The following UNC5C variants were observed in gnomAD, a reference collection of about 807,000 sequenced individuals.
UNC5C encodes the protein netrin receptor UNC5C.
UNC5C carries 47 observed loss-of-function variants against 99.8 expected under a neutral mutation model. That is an observed-to-expected ratio of 0.47 (90% confidence interval 0.37 to 0.60). The LOEUF (loss-of-function observed/expected upper bound fraction) is 0.60. Ranked by LOEUF, UNC5C falls within the 20% of genes least tolerant of loss-of-function variation. The pLI is 0.00. For missense variants in UNC5C, 1,062 were observed against 1,165.9 expected (o/e 0.91, Z 1.30); for synonymous variants, 487 against 452.2 (o/e 1.08, Z -0.98).
intron 2 of UNC5C, among the ~76,000 whole-genome samples, chr4:95,311,629 C>G (rs760904577): frequency 6.6e-6 from 1 of 152,182 alleles, no homozygotes; most frequent in Non-Finnish European, 1.5e-5. Context: ...TAACTATACA[C>G]TTGTGAATTA....
At chr4:95,382,759 C>T (rs895064055) in intron 1 of UNC5C, among the ~76,000 whole-genome samples, 2 of 152,150 alleles carry the variant, frequency 1.3e-5, no homozygotes, top group Non-Finnish European at 2.9e-5. Context: ...AATTGATTCT[C>T]CTACTTAGCC....
At chr4:95,265,530 G>A (rs973521715) in intron 4 of UNC5C, among the ~76,000 whole-genome samples, 2 of 152,054 alleles carry the variant, frequency 1.3e-5, no homozygotes, top group African/African-American at 2.4e-5. Flanking sequence ...ACAACACAAT[G>A]AAATGTGCTT....
intron 4 of UNC5C, among the ~76,000 whole-genome samples, chr4:95,270,172 T>C (rs1235038379): frequency 6.6e-6 from 1 of 152,220 alleles, no homozygotes; most frequent in Non-Finnish European, 1.5e-5. Context: ...TGTAGGTGCT[T>C]TAAACAATCA....
At chr4:95,284,029 T>C (rs1741149432) in intron 3 of UNC5C, among the ~76,000 whole-genome samples, 1 of 152,198 alleles carries the variant, frequency 6.6e-6, no homozygotes, top group Admixed American at 6.5e-5. Flanking sequence ...ATTTCTATTT[T>C]CCATTTATAC....
At chr4:95,444,562 A>G (rs189524369) in intron 1 of UNC5C, among the ~76,000 whole-genome samples, 2,252 of 151,952 alleles carry the variant, frequency 0.015, 53 homozygotes, top group African/African-American at 0.052. Flanking sequence ...CGATCTCCTG[A>G]CCTCGTGATC....
chr4:95,418,393 G>A (rs961244961), intron 1 of UNC5C, among the ~76,000 whole-genome samples: 2 of 152,152 alleles, frequency 1.3e-5, no homozygotes, highest in African/African-American at 4.8e-5. Flanking sequence ...TGTAAACCAG[G>A]AGAAGTGTTA....
At chr4:95,515,348 C>T (rs1191715107) in intron 1 of UNC5C, among the ~76,000 whole-genome samples, 1 of 152,064 alleles carries the variant, frequency 6.6e-6, no homozygotes, top group East Asian at 1.9e-4. Flanking sequence ...AACTGAGGCT[C>T]AGAATGTTAA....
At chr4:95,231,765 G>A (rs1328883489) in intron 7 of UNC5C, among the ~76,000 whole-genome samples, 2 of 152,100 alleles carry the variant, frequency 1.3e-5, no homozygotes, top group South Asian at 2.1e-4. Flanking sequence ...TGATGTCAAA[G>A]GTCAGGTCTG....
chr4:95,193,936 C>G (rs1419701871), intron 12 of UNC5C, among the ~76,000 whole-genome samples: 2 of 151,878 alleles, frequency 1.3e-5, no homozygotes, highest in Admixed American at 6.5e-5. Flanking sequence ...TGTGTTCACG[C>G]CAGGGTGCTC....
intron 1 of UNC5C, among the ~76,000 whole-genome samples, chr4:95,516,717 T>G (rs1294494545): frequency 1.3e-5 from 2 of 152,160 alleles, no homozygotes; most frequent in African/African-American, 4.8e-5. Context: ...CAAAGTAACA[T>G]GCTCATCAGC....
At chr4:95,546,045 C>G (rs1419643417) in intron 1 of UNC5C, among the ~76,000 whole-genome samples, 2 of 152,182 alleles carry the variant, frequency 1.3e-5, no homozygotes, top group Non-Finnish European at 1.5e-5. Flanking sequence ...TCTGTTGTTT[C>G]CTTGATTATC....
chr4:95,370,295 T>G (rs1237918048), intron 1 of UNC5C, among the ~76,000 whole-genome samples: 1 of 152,162 alleles, frequency 6.6e-6, no homozygotes, highest in African/African-American at 2.4e-5. Context: ...AAGATTAATT[T>G]CATTTGTTTT....
At chr4:95,366,305 AAAATAAAGT>A (rs1744568625) in intron 1 of UNC5C, among the ~76,000 whole-genome samples, 2 of 152,308 alleles carry the variant, frequency 1.3e-5, no homozygotes, top group South Asian at 4.1e-4. Flanking sequence ...TCTCAAAAAT[AAAATAAAGT>A]AAATAAAATA....
Position 95,536,321 on chromosome 4 carries a change from C to T in UNC5C, c.124+12413G>A, listed in dbSNP as rs186781886. 1.6e-3 allele frequency among the ~76,000 whole-genome samples: 251 copies of T among 152,182 alleles called. No individual in the cohort carries two copies. The Middle Eastern group carries it at 0.02, about 12-fold the overall frequency. ...GAACTCCTGACCTCAGGCGATCCAC[C>T]GGCCTTGGCCTCCCAAAGTGCTAGG... On this transcript the variant is annotated intron_variant, in intron 1 of 15. Transcript: ENST00000453304.
chr4:95,281,739 T>A (rs57565439), intron 3 of UNC5C, among the ~76,000 whole-genome samples: 27,197 of 152,172 alleles, frequency 0.18, 4,001 homozygotes, highest in African/African-American at 0.38. Flanking sequence ...GAGAGAAAGA[T>A]AAATTCATTT....
intron 1 of UNC5C, among the ~76,000 whole-genome samples, chr4:95,475,594 A>T (rs1748121108): frequency 6.6e-6 from 1 of 152,106 alleles, no homozygotes; most frequent in Non-Finnish European, 1.5e-5. Context: ...TCAAAATATA[A>T]AGTCAGAAGA....
intron 1 of UNC5C, among the ~76,000 whole-genome samples, chr4:95,471,236 A>C (rs564365551): frequency 3.3e-5 from 5 of 152,234 alleles, no homozygotes; most frequent in Admixed American, 3.3e-4. Flanking sequence ...TTGGATGAAT[A>C]AAAATAACCT....
At chr4:95,322,011 A>G (rs1042285822) in intron 2 of UNC5C, among the ~76,000 whole-genome samples, 2 of 152,220 alleles carry the variant, frequency 1.3e-5, no homozygotes, top group African/African-American at 4.8e-5. Context: ...TTCCAGAATC[A>G]TTTATCTTCA....
intron 1 of UNC5C, among the ~76,000 whole-genome samples, chr4:95,415,322 G>A (rs1309017051): frequency 2.0e-5 from 3 of 151,828 alleles, no homozygotes; most frequent in Non-Finnish European, 4.4e-5. Context: ...TGATCCTCAA[G>A]TAGCTCAGCA....
Sources: allele counts gnomAD v4.1 joint callset (sites outside exome capture counted in the v4.1 genomes callset), GRCh38; gene constraint gnomAD v4.1.1; transcripts MANE v1.5; gene names NCBI Gene and HGNC (gene_info 2026-07-23, HGNC 2026-07-21).